The following LTF variants were observed in gnomAD, a reference collection of about 807,000 sequenced individuals.
LTF encodes the protein epididymis luminal protein 110.
Under a neutral mutation model 87.2 loss-of-function variants are expected in LTF, and 91 were observed. The ratio of observed to expected loss-of-function variants is 1.04; its 90% confidence interval spans 0.88 to 1.24. LTF has a LOEUF of 1.24. Among genes scored for constraint, LTF ranks in the 50% most tolerant of loss-of-function variants. The pLI, the probability that LTF is intolerant of heterozygous loss-of-function variation, is 0.00. For missense variants in LTF, 901 were observed against 904.3 expected (o/e 1.00, Z 0.05); for synonymous variants, 378 against 356.1 (o/e 1.06, Z -0.69).
At chr3:46,480,065 A>C (rs1703413565) in intron 1 of LTF, among the ~76,000 whole-genome samples, 1 of 152,192 alleles carries the variant, frequency 6.6e-6, no homozygotes. Context: ...GGTGGATCAG[A>C]AGCTCCATTC....
chr3:46,468,539 T>C (rs1466138914), upstream of LTF, among the ~76,000 whole-genome samples: 5 of 152,134 alleles, frequency 3.3e-5, no homozygotes, highest in African/African-American at 1.2e-4. Flanking sequence ...CCAAGCCCCA[T>C]TAGCAGGCAA....
At chr3:46,455,648 T>A in intron 4 of LTF, 148 bp downstream of exon 4, 1 of 1,102,438 alleles carries the variant, frequency 9.1e-7, no homozygotes, top group Non-Finnish European at 1.3e-6. Flanking sequence ...GGGTAACGGA[T>A]CCTGCCAGCA....
At chr3:46,482,273 T>A (rs1703442174) in intron 1 of LTF, among the ~76,000 whole-genome samples, 1 of 151,932 alleles carries the variant, frequency 6.6e-6, no homozygotes. Flanking sequence ...CTGGACAACA[T>A]GGAGAAACCC....
intron 1 of LTF, among the ~76,000 whole-genome samples, chr3:46,481,485 A>C (rs1370868623): frequency 6.6e-6 from 1 of 151,874 alleles, no homozygotes; most frequent in Non-Finnish European, 1.5e-5. Flanking sequence ...TTTACCCTTT[A>C]CTCTCCAGAG....
chr3:46,436,175 C>G lies in LTF; in HGVS notation c.*20G>C, dbSNP rs1400756131. On this transcript the variant is annotated 3_prime_UTR_variant, in exon 17 of 17. Coordinates refer to ENST00000231751, the MANE Select transcript of LTF (RefSeq NM_002343.6). Reference sequence around the variant, plus strand: ...GAATGGCTGAGGCTTTCTTGGGGAGCTGGGCCATCTTCTTCGGTTTTACTT... The same window carrying G: ...GAATGGCTGAGGCTTTCTTGGGGAGGTGGGCCATCTTCTTCGGTTTTACTT... 5 of 1,613,946 alleles carry G rather than the reference C, an allele frequency of 3.1e-6. No homozygotes were observed. Among genetic ancestry groups the G allele is most frequent in the Non-Finnish European group, 3.4e-6 (4 of 1,179,796 alleles).
chr3:46,473,503 A>C (rs1194269709), intron 1 of LTF, among the ~76,000 whole-genome samples: 1 of 152,270 alleles, frequency 6.6e-6, no homozygotes, highest in Non-Finnish European at 1.5e-5. Context: ...TAACCAGCAC[A>C]AATGTATTAT....
Position 46,455,962 on chromosome 3 carries a change from A to C in LTF, c.333T>G (p.Tyr111Ter). The part of the protein sequence containing the change: ...YGTERQPRTH[Y>*]YAVAVVKKGG... ...CCTTCTTCACCACAGCCACGGCATA[A>C]TAGTGAGTTCGTGGCTCTGCAAAGG... is the stretch of plus-strand genomic sequence containing the variant. The change falls in exon 4 of 17, where the codon TAT (tyrosine) becomes TAG (stop). Residue 111 changes from tyrosine (Y) to a stop codon, truncating the protein, a stop_gained. Transcript: ENST00000231751. LOFTEE classifies it high-confidence loss of function. 6.3e-7 allele frequency: 1 copy of C among 1,597,122 alleles called. No homozygotes were observed. The highest frequency in any genetic ancestry group is 8.5e-7 in the Non-Finnish European group (1 of 1,172,006).
At chr3:46,438,419 T>TATGGGTGA (rs1702439216) in intron 15 of LTF, among the ~76,000 whole-genome samples, 1 of 152,212 alleles carries the variant, frequency 6.6e-6, no homozygotes, top group Non-Finnish European at 1.5e-5. Context: ...TACAACTTCT[T>TATGGGTGA]ATGGGTGACA....
chr3:46,442,705 G>A (rs1439240167), intron 13 of LTF, among the ~76,000 whole-genome samples: 1 of 151,954 alleles, frequency 6.6e-6, no homozygotes, highest in Admixed American at 6.6e-5. Context: ...TTCCATTACT[G>A]GAACAAGGCT....
upstream of LTF, among the ~76,000 whole-genome samples, chr3:46,468,743 A>C (rs918854069): frequency 6.6e-6 from 1 of 152,270 alleles, no homozygotes; most frequent in South Asian, 2.1e-4. Context: ...ATAGCTTGGC[A>C]GATGGGAGAC....
rs557302609 is a variant in LTF at position 46,436,652 on chromosome 3, G to A, written c.2099-423C>T. 4.6e-5 allele frequency among the ~76,000 whole-genome samples: 7 copies of A among 152,310 alleles called. No individual in the cohort carries two copies. In the South Asian group the frequency reaches 8.3e-4, roughly 18 times the overall value. ...TGTGTGAGTTGCTGTGCTAAGTGCTGGGGACACAGCATGGATAGACTGGCC... is the reference window on the plus strand; with the variant it reads ...TGTGTGAGTTGCTGTGCTAAGTGCTAGGGACACAGCATGGATAGACTGGCC... On this transcript the variant is annotated intron_variant, in intron 16 of 16. Transcript: ENST00000231751.
At chr3:46,482,106 A>T (rs1318230007) in intron 1 of LTF, among the ~76,000 whole-genome samples, 3 of 151,952 alleles carry the variant, frequency 2.0e-5, no homozygotes, top group Admixed American at 6.6e-5. Flanking sequence ...TTTTTATGCG[A>T]CTCACAATGT....
intron 6 of LTF, 118 bp downstream of exon 6, chr3:46,454,187 G>T: frequency 1.1e-6 from 1 of 882,788 alleles, no homozygotes; most frequent in Non-Finnish European, 1.9e-6. Flanking sequence ...GCTGTGCCCT[G>T]TAGGAATCTT....
At chr3:46,455,661 A>T in intron 4 of LTF, 135 bp downstream of exon 4, 1 of 1,142,012 alleles carries the variant, frequency 8.8e-7, no homozygotes, top group Non-Finnish European at 1.2e-6. Context: ...TGCCAGCAGG[A>T]TGTTACAAGC....
At chr3:46,483,055 A>T (rs1324468617) in intron 1 of LTF, among the ~76,000 whole-genome samples, 1 of 152,214 alleles carries the variant, frequency 6.6e-6, no homozygotes, top group African/African-American at 2.4e-5. Flanking sequence ...GCTGACATGG[A>T]TGGGTGCCAC....
At chr3:46,443,356 A>T in intron 13 of LTF, 85 bp downstream of exon 13, 1 of 1,520,192 alleles carries the variant, frequency 6.6e-7, no homozygotes, top group Non-Finnish European at 9.1e-7. Context: ...GTGACAGGTC[A>T]CATCTGGCTC....
At chr3:46,472,822 G>A (rs989415011) in intron 1 of LTF, among the ~76,000 whole-genome samples, 9 of 152,140 alleles carry the variant, frequency 5.9e-5, no homozygotes, top group African/African-American at 2.2e-4. Context: ...AGCAATCAAA[G>A]AATTTGTCTC....
Position 46,445,286 on chromosome 3 carries a change from T to G in LTF, c.1508A>C (p.Lys503Thr). Reference protein sequence around the residue: ...GLLFNQTGSCKFDEYFSQSCA... With the variant: ...GLLFNQTGSCTFDEYFSQSCA... ...GCACCTTTGGAACTCCTTACCAAAT[T>G]TGCAGGAGCCCGTCTGGTTGAAGAG... The change falls in exon 12 of 17, where the codon AAA (lysine) becomes ACA (threonine). Residue 503 changes from lysine to threonine, a missense_variant. By Grantham distance (78) the Lys-to-Thr change is moderately conservative. Transcript: ENST00000231751. 1 of 1,607,338 alleles carries G rather than the reference T, an allele frequency of 6.2e-7. No homozygotes were observed. The highest frequency in any genetic ancestry group is 2.3e-5 in the East Asian group (1 of 44,414).
chr3:46,462,483 T>C (rs927884215), intron 1 of LTF, among the ~76,000 whole-genome samples: 3 of 152,166 alleles, frequency 2.0e-5, no homozygotes. Flanking sequence ...GATCTAGGAC[T>C]CCAACCTAAG....
Sources: gnomAD v4.1 joint callset for allele counts (sites outside exome capture counted in the v4.1 genomes callset) on GRCh38, gnomAD v4.1.1 for gene constraint, MANE v1.5 for transcripts, NCBI Gene and HGNC (gene_info 2026-07-23, HGNC 2026-07-21) for gene names.